SLC6A3: variants seen among roughly 807,000 people sequenced by gnomAD.
SLC6A3 encodes the protein solute carrier family 6 member 3, also known as sodium-dependent dopamine transporter.
SLC6A3 carries 19 observed loss-of-function variants against 70.4 expected under a neutral mutation model. The observed-to-expected ratio is 0.27, with a 90% CI of 0.19 to 0.40. The LOEUF is 0.40. SLC6A3 is among the 10% of genes least tolerant of loss of function. The pLI, the probability that SLC6A3 is intolerant of heterozygous loss-of-function variation, is 1.00. For missense variants in SLC6A3, 613 were observed against 838.5 expected (o/e 0.73, Z 3.32); for synonymous variants, 368 against 356.6 (o/e 1.03, Z -0.36).
At chr5:1,412,508 T>C (rs982173746) in intron 8 of SLC6A3, among the ~76,000 whole-genome samples, 9 of 152,328 alleles carry the variant, frequency 5.9e-5, no homozygotes, top group African/African-American at 2.2e-4. Flanking sequence ...GACACGTGCT[T>C]CCTGCTACCA....
intron 8 of SLC6A3, 52 bp downstream of exon 8, chr5:1,414,639 C>CT: frequency 6.2e-7 from 1 of 1,602,952 alleles, no homozygotes; most frequent in Non-Finnish European, 8.5e-7. Flanking sequence ...TTGCTGAGAG[C>CT]TCGGCGCTGG....
At chr5:1,429,745 CT>C in intron 4 of SLC6A3, among the ~76,000 whole-genome samples, 1 of 152,232 alleles carries the variant, frequency 6.6e-6, no homozygotes, top group Non-Finnish European at 1.5e-5. Flanking sequence ...GCCACTGCCC[CT>C]GGCTCTGTGT....
rs761418909 is a variant in SLC6A3, at chr5:1,421,977, C to T, written c.691G>A (p.Asp231Asn). The change falls in exon 5 of 15, where the codon GAC (aspartate) becomes AAC (asparagine). Residue 231 changes from aspartate (D) to asparagine (N), a missense_variant. Physicochemically the swap from Asp to Asn is conservative, Grantham distance 23. Transcript: ENST00000270349. The surrounding 1 kb of genome is among the most constrained non-coding windows in gnomAD (Gnocchi z 7.2). ...TGCCACCGCGGAGGCCCCAGGTCGT[C>T]GATGCCATGGCTCTGGTGGAGGTGC... Reference protein sequence around the residue: ...VLHLHQSHGIDDLGPPRWQLT... With the variant: ...VLHLHQSHGINDLGPPRWQLT... 24 of 1,612,810 alleles carry T rather than the reference C, an allele frequency of 1.5e-5. No homozygotes were observed. The highest frequency in any genetic ancestry group is 7.7e-5 in the South Asian group (7 of 91,078).
intron 4 of SLC6A3, among the ~76,000 whole-genome samples, chr5:1,431,099 C>T (rs461753): frequency 0.32 from 49,253 of 152,138 alleles, 8,929 homozygotes; most frequent in East Asian, 0.52. Context: ...ACGGCTGAGT[C>T]GAAGAGTCCG....
Position 1,402,850 on chromosome 5 carries a change from G to T in SLC6A3, c.1767+72C>A. 6.7e-7 allele frequency: 1 copy of T among 1,487,390 alleles called. No individual in the cohort carries two copies. The highest frequency in any genetic ancestry group is 1.2e-5 in the South Asian group (1 of 85,468). The allele number at this position is 1,487,390 out of a possible 1,614,324, so 92.1% of individuals were successfully genotyped here. A position where few individuals can be genotyped will look rare whatever the true frequency, so the allele number is the denominator to read the frequency against. On this transcript the variant is annotated intron_variant, in intron 13 of 14. Coordinates refer to ENST00000270349, the MANE Select transcript of SLC6A3 (RefSeq NM_001044.5). The surrounding 1 kb of genome is among the most constrained non-coding windows in gnomAD (Gnocchi z 8.5). ...AGATGACCCAGGCAGGTGAGGACTGGGGCCATGGACACCCACGGAGCCTTT... is the reference window on the plus strand; with the variant it reads ...AGATGACCCAGGCAGGTGAGGACTGTGGCCATGGACACCCACGGAGCCTTT...
Position 1,433,745 on chromosome 5 carries a change from A to T in SLC6A3, c.419-1047T>A, listed in dbSNP as rs372484786. Among the ~76,000 whole-genome samples, 734 of 151,932 alleles carry T rather than the reference A, an allele frequency of 4.8e-3. 11 individuals carry two copies. The highest frequency in any genetic ancestry group is 0.017 in the African/African-American group (691 of 41,438). On this transcript the variant is annotated intron_variant, in intron 3 of 14. Coordinates refer to ENST00000270349, the MANE Select transcript of SLC6A3 (RefSeq NM_001044.5). ...CATCCATAGCCATCCACAACCATTC[A>T]TGGCCACCCACATCCATCCACGGCC...
At chr5:1,400,881 C>T in intron 14 of SLC6A3, 34 bp downstream of exon 14, 1 of 1,509,574 alleles carries the variant, frequency 6.6e-7, no homozygotes. Context: ...TCTGAATTCC[C>T]CCGAGAGAGG....
Position 1,411,103 on chromosome 5 carries a change from G to A in SLC6A3, c.1269+140C>T. 1.4e-6 allele frequency: 1 copy of A among 696,492 alleles called. No homozygotes were observed. The highest frequency in any genetic ancestry group is 1.5e-5 in the South Asian group (1 of 66,614). 43.1% of individuals were successfully genotyped at this position (696,492 alleles called of 1,614,324 possible). A position where few individuals can be genotyped will look rare whatever the true frequency, so the allele number is the denominator to read the frequency against. ...AGAAAGGTCTCCCAAATAATCACGG[G>A]GCTCGCCCAAGTCAAGGACAGGAGG... On this transcript the variant is annotated intron_variant, in intron 9 of 14. Coordinates refer to ENST00000270349, the MANE Select transcript of SLC6A3 (RefSeq NM_001044.5). This position sits in a 1 kb window ranked among gnomAD's most constrained non-coding sequence, Gnocchi z 6.5.
chr5:1,434,350 C>T (rs2937644), intron 3 of SLC6A3, among the ~76,000 whole-genome samples: 3,793 of 152,332 alleles, frequency 0.025, 162 homozygotes, highest in African/African-American at 0.087. Context: ...CATCAAGGAC[C>T]AGCCAGGGCC....
rs1001720484 is a variant in SLC6A3 at position 1,438,165 on chromosome 5, T to C, written c.418+3194A>G. 2.0e-5 allele frequency among the ~76,000 whole-genome samples: 3 copies of C among 152,194 alleles called. No individual in the cohort carries two copies. The highest frequency in any genetic ancestry group is 6.5e-5 in the Admixed American group (1 of 15,290). Reference sequence around the variant, plus strand: ...ACTGATTCATCTATCCCTTCGTGGGTCGAACAGTTCACTTTCTGTGATTTG... The same window carrying C: ...ACTGATTCATCTATCCCTTCGTGGGCCGAACAGTTCACTTTCTGTGATTTG... On this transcript the variant is annotated intron_variant, in intron 3 of 14. Coordinates refer to ENST00000270349, the MANE Select transcript of SLC6A3 (RefSeq NM_001044.5). This position sits in a 1 kb window ranked among gnomAD's most constrained non-coding sequence, Gnocchi z 6.5.
Position 1,401,274 on chromosome 5 carries a change from A to G in SLC6A3, c.1768-288T>C. ...TCAGCATTTGAGCACTCGCTTGAAA[A>G]TAAAACGTGGTCCTGGAGATGGCTC... On this transcript the variant is annotated intron_variant, in intron 13 of 14. Coordinates refer to ENST00000270349, the MANE Select transcript of SLC6A3 (RefSeq NM_001044.5). The surrounding 1 kb of genome is among the most constrained non-coding windows in gnomAD (Gnocchi z 6.1). 3.1e-6 allele frequency: 2 copies of G among 637,276 alleles called. No individual in the cohort carries two copies. The highest frequency in any genetic ancestry group is 5.8e-6 in the Non-Finnish European group (2 of 343,340). 39.5% of individuals were successfully genotyped at this position (637,276 alleles called of 1,614,324 possible).
chr5:1,426,170 C>G (rs549807579), intron 4 of SLC6A3, among the ~76,000 whole-genome samples: 1 of 152,204 alleles, frequency 6.6e-6, no homozygotes, highest in South Asian at 2.1e-4. Flanking sequence ...AAAGTAGGTA[C>G]TCAATATTGA....
At chr5:1,416,774 C>A (rs974109335) in intron 6 of SLC6A3, among the ~76,000 whole-genome samples, 2 of 151,212 alleles carry the variant, frequency 1.3e-5, no homozygotes, top group African/African-American at 4.9e-5. Context: ...GTCCTAATAG[C>A]CCTCAGAAGA....
At chr5:1,419,440 C>G (rs919434504) in intron 6 of SLC6A3, among the ~76,000 whole-genome samples, 3 of 152,224 alleles carry the variant, frequency 2.0e-5, no homozygotes, top group Non-Finnish European at 4.4e-5. Context: ...AGCATCTTTT[C>G]ACATGCACTG....
In SLC6A3 at chr5:1,409,771, G is replaced by C. The variant is rs756149961; in HGVS notation, c.1348C>G (p.Leu450Val). The change falls in exon 10 of 15, where the codon CTC (leucine) becomes GTC (valine). Residue 450 changes from leucine to valine, a missense_variant. Around this residue, in one of 4 missense-constraint regions of SLC6A3, gnomAD observed 348 missense variants for 481.2 expected, o/e 0.72. Coordinates refer to ENST00000270349, the MANE Select transcript of SLC6A3 (RefSeq NM_001044.5). ...LLHRHRELFT[L>V]FIVLATFLLS... ...AGGAAGGTCGCCAGGACGATGAAGAGCGTGAAGAGCTCACGGTGTCTGTGC... is the reference window on the plus strand; with the variant it reads ...AGGAAGGTCGCCAGGACGATGAAGACCGTGAAGAGCTCACGGTGTCTGTGC... 1 of 1,613,434 alleles carries C rather than the reference G, an allele frequency of 6.2e-7. No individual in the cohort carries two copies. Among genetic ancestry groups the C allele is most frequent in the Non-Finnish European group, 8.5e-7 (1 of 1,179,996 alleles).
rs1229880215 is a variant in SLC6A3 at position 1,401,612 on chromosome 5, A to G, written c.1768-626T>C. Among the ~76,000 whole-genome samples, 3 of 152,000 alleles carry G rather than the reference A, an allele frequency of 2.0e-5. No homozygotes were observed. The highest frequency in any genetic ancestry group is 4.4e-5 in the Non-Finnish European group (3 of 67,970). ...CACAGGGACCCCTGTGCGTGGCCCC[A>G]CCCCACGTCATCACCACAATTCCAC... On this transcript the variant is annotated intron_variant, in intron 13 of 14. Transcript: ENST00000270349. This position sits in a 1 kb window ranked among gnomAD's most constrained non-coding sequence, Gnocchi z 6.1.
At chr5:1,409,656 G>T in intron 10 of SLC6A3, 65 bp downstream of exon 10, 1 of 1,600,184 alleles carries the variant, frequency 6.2e-7, no homozygotes, top group South Asian at 1.1e-5. Context: ...TCCCAGCCAG[G>T]GCGCCCCGTG....
chr5:1,439,326 G>A lies in SLC6A3; in HGVS notation c.418+2033C>T, dbSNP rs113506473. Among the ~76,000 whole-genome samples, 619 of 137,214 alleles carry A rather than the reference G, an allele frequency of 4.5e-3. 5 individuals are homozygous for A. The highest frequency in any genetic ancestry group is 0.015 in the African/African-American group (587 of 38,338). The allele number at this position is 137,214 out of a possible 152,430, so 90.0% of individuals were successfully genotyped here. A position where few individuals can be genotyped will look rare whatever the true frequency, so the allele number is the denominator to read the frequency against. ...CACTCTGAAGATGTGTGTGGGGTGG[G>A]GGTGGGGGTGGGGGTGGGGAGGGAG... On this transcript the variant is annotated intron_variant, in intron 3 of 14. Transcript: ENST00000270349.
rs867922505 is a variant in SLC6A3, at chr5:1,422,907, T to C, written c.654-893A>G. The stretch of plus-strand genomic sequence containing the variant: ...CCACCGCTGCCCACAGTGCTGCCCA[T>C]GGTGCTGGGTACCCACCGCTGCCCA... On this transcript the variant is annotated intron_variant, in intron 4 of 14. Coordinates refer to ENST00000270349, the MANE Select transcript of SLC6A3 (RefSeq NM_001044.5). 4.4e-3 allele frequency among the ~76,000 whole-genome samples: 111 copies of C among 25,386 alleles called. 1 individual carries two copies. Among genetic ancestry groups the C allele is most frequent in the Middle Eastern group, 0.062 (1 of 16 alleles). 16.7% of individuals were successfully genotyped at this position (25,386 alleles called of 152,430 possible).
Sources: allele counts gnomAD v4.1 joint callset (sites outside exome capture counted in the v4.1 genomes callset), GRCh38; gene constraint gnomAD v4.1.1; regional missense constraint gnomAD v4.1.1; non-coding constraint Gnocchi (gnomAD v3.1); transcripts MANE v1.5; gene names NCBI Gene and HGNC (gene_info 2026-07-23, HGNC 2026-07-21).